The following RIMS1 variants were observed in gnomAD, a reference collection of about 807,000 sequenced individuals.
The protein encoded by RIMS1 is regulating synaptic membrane exocytosis protein 1.
In RIMS1, 83 loss-of-function variants were observed where a neutral mutation model predicts 214.1. That is an observed-to-expected ratio of 0.39 (90% CI 0.32 to 0.47). The LOEUF (loss-of-function observed/expected upper bound fraction) is 0.47, where lower values mean the gene tolerates loss of function less well. RIMS1 is among the 20% of genes least tolerant of loss of function. The pLI, the probability that RIMS1 is intolerant of heterozygous loss-of-function variation, is 0.99. For missense variants in RIMS1, 2,050 were observed against 2,161.8 expected, an observed-to-expected ratio of 0.95 and a Z score of 1.03; for synonymous variants, 793 against 786.8, an observed-to-expected ratio of 1.01 and a Z score of -0.13.
At chr6:72,307,851 A>T (rs1014334774) in intron 27 of RIMS1, among the ~76,000 whole-genome samples, 1 of 152,174 alleles carries the variant, frequency 6.6e-6, no homozygotes, top group Non-Finnish European at 1.5e-5. Context: ...TTTTCGTGTG[A>T]TATAACTTCA....
At chr6:72,125,726 T>A in intron 4 of RIMS1, among the ~76,000 whole-genome samples, 1 of 152,164 alleles carries the variant, frequency 6.6e-6, no homozygotes, top group East Asian at 1.9e-4. Flanking sequence ...GGCTGCCACC[T>A]CGCAGTTGGA....
chr6:71,894,586 T>TA (rs1162107389), intron 1 of RIMS1, among the ~76,000 whole-genome samples: 3 of 152,260 alleles, frequency 2.0e-5, no homozygotes, highest in Non-Finnish European at 2.9e-5. Context: ...GGACTGTCTT[T>TA]ATGAGAATTC....
intron 2 of RIMS1, among the ~76,000 whole-genome samples, chr6:72,073,285 C>T (rs1408122530): frequency 3.9e-5 from 6 of 152,134 alleles, no homozygotes; most frequent in South Asian, 4.1e-4. Flanking sequence ...TGTATGAATC[C>T]GTATTGGCTC....
chr6:72,069,083 T>C (rs1353702627), intron 2 of RIMS1, among the ~76,000 whole-genome samples: 1 of 152,062 alleles, frequency 6.6e-6, no homozygotes, highest in Non-Finnish European at 1.5e-5. Flanking sequence ...GGATGTACAG[T>C]GGAGGCTAAC....
intron 1 of RIMS1, among the ~76,000 whole-genome samples, chr6:71,963,386 T>G (rs1234221350): frequency 1.3e-5 from 2 of 152,114 alleles, no homozygotes; most frequent in Non-Finnish European, 1.5e-5. Context: ...GAAGAATACG[T>G]GAGATATGCT....
intron 4 of RIMS1, among the ~76,000 whole-genome samples, chr6:72,175,834 A>G (rs542173054): frequency 6.6e-6 from 1 of 152,278 alleles, no homozygotes; most frequent in East Asian, 1.9e-4. Flanking sequence ...TTTTTCTGCC[A>G]AACTTGTGGT....
chr6:72,247,070 G>A (rs1034617953), intron 11 of RIMS1, among the ~76,000 whole-genome samples: 1 of 152,056 alleles, frequency 6.6e-6, no homozygotes, highest in Non-Finnish European at 1.5e-5. Flanking sequence ...TTTGAATGGT[G>A]GTGAGTTCAA....
At chr6:71,956,212 G>A (rs772937678) in intron 1 of RIMS1, among the ~76,000 whole-genome samples, 11 of 151,858 alleles carry the variant, frequency 7.2e-5, no homozygotes, top group African/African-American at 1.9e-4. Context: ...ATTTTCCCAC[G>A]TATCTAATTT....
intron 2 of RIMS1, among the ~76,000 whole-genome samples, chr6:72,039,100 G>C (rs1820719117): frequency 6.6e-6 from 1 of 152,004 alleles, no homozygotes. Context: ...GTTTTTGAAT[G>C]CTCTTTTGTT....
chr6:72,251,455 A>G (rs1284156335), intron 15 of RIMS1, 87 bp downstream of exon 15: 3 of 1,119,012 alleles, frequency 2.7e-6, no homozygotes, highest in East Asian at 5.3e-5. Context: ...TTTTTTTTAA[A>G]TGTTTTATTA....
At chr6:71,928,998 G>A (rs1294067917) in intron 1 of RIMS1, among the ~76,000 whole-genome samples, 1 of 152,234 alleles carries the variant, frequency 6.6e-6, no homozygotes, top group Non-Finnish European at 1.5e-5. Flanking sequence ...TGCTCACATT[G>A]TGCTATTTTT....
At chr6:72,060,261 G>A (rs969802592) in intron 2 of RIMS1, among the ~76,000 whole-genome samples, 16 of 151,974 alleles carry the variant, frequency 1.1e-4, no homozygotes, top group East Asian at 5.8e-4. Context: ...GAACCACTGC[G>A]CCCAGCCTGA....
Position 72,251,025 on chromosome 6 carries a change from G to T in RIMS1, c.2477G>T (p.Arg826Leu). Residue 826 changes from arginine to leucine, a missense_variant, in exon 14 of 34, where the codon CGA becomes CTA. Physicochemically the swap from Arg to Leu is moderately radical, Grantham distance 102 (BLOSUM62 -2). Coordinates refer to ENST00000521978, the MANE Select transcript of RIMS1 (RefSeq NM_014989.7). ...SHVHRRDFRE[R>L]MLEITVWDQP... The stretch of plus-strand genomic sequence containing the variant: ...GTACATCGTAGAGATTTTAGAGAAC[G>T]AATGTTAGAAATAACTGTGTGGGAC... 1 of 1,578,206 alleles carries T rather than the reference G, an allele frequency of 6.3e-7. No homozygotes were observed. The highest frequency in any genetic ancestry group is 8.6e-7 in the Non-Finnish European group (1 of 1,160,900).
At chr6:72,092,202 G>A (rs1836416049) in intron 2 of RIMS1, among the ~76,000 whole-genome samples, 1 of 152,100 alleles carries the variant, frequency 6.6e-6, no homozygotes, top group South Asian at 2.1e-4. Context: ...GAACAGTGCA[G>A]GTTATGGAAT....
chr6:72,236,783 TAAA>T (rs11326772), intron 8 of RIMS1, among the ~76,000 whole-genome samples: 64 of 128,450 alleles, frequency 5.0e-4, no homozygotes, highest in Admixed American at 8.5e-4. Flanking sequence ...GCTGATGAGC[TAAA>T]AAAAAAAAAA....
chr6:72,165,618 G>A (rs1187588195), intron 4 of RIMS1, among the ~76,000 whole-genome samples: 1 of 152,178 alleles, frequency 6.6e-6, no homozygotes, highest in African/African-American at 2.4e-5. Context: ...TTTATGTCCT[G>A]TTACCCACTG....
chr6:72,146,194 G>A (rs890017357), intron 4 of RIMS1, among the ~76,000 whole-genome samples: 23 of 152,220 alleles, frequency 1.5e-4, no homozygotes, highest in Non-Finnish European at 2.2e-4. Flanking sequence ...TACAGCTATC[G>A]GAAACTGGCA....
At chr6:72,217,670 T>C (rs2056775359) in intron 6 of RIMS1, among the ~76,000 whole-genome samples, 1 of 152,208 alleles carries the variant, frequency 6.6e-6, no homozygotes, top group South Asian at 2.1e-4. Context: ...GATTGTTCTT[T>C]TCAAGTGTTT....
Position 72,234,331 on chromosome 6 carries a change from T to G in RIMS1, c.1746+491T>G, listed in dbSNP as rs116453853. 2.2e-3 allele frequency among the ~76,000 whole-genome samples: 336 copies of G among 152,150 alleles called. 1 individual carries two copies. The highest frequency in any genetic ancestry group is 7.7e-3 in the African/African-American group (322 of 41,554). On this transcript the variant is annotated intron_variant, in intron 7 of 33. Transcript: ENST00000521978. ...GTGTCTTTTAACTGAAGAAATTGCATCATGCTGCAACCAATAACTTGTGTC... is the reference window on the plus strand; with the variant it reads ...GTGTCTTTTAACTGAAGAAATTGCAGCATGCTGCAACCAATAACTTGTGTC...
Sources: allele counts gnomAD v4.1 joint callset (sites outside exome capture counted in the v4.1 genomes callset), GRCh38; gene constraint gnomAD v4.1.1; transcripts MANE v1.5; gene names NCBI Gene and HGNC (gene_info 2026-07-23, HGNC 2026-07-21).